Variants in UGT1A10 observed in about 807,000 individuals in gnomAD.
UGT1A10 encodes UDP-glucuronosyltransferase 1A10.
Under a neutral mutation model 45.8 loss-of-function variants are expected in UGT1A10, and 49 were observed. That is an observed-to-expected ratio of 1.07 (90% CI 0.85 to 1.36). The LOEUF (loss-of-function observed/expected upper bound fraction) is 1.36. Among genes scored for constraint, UGT1A10 ranks in the 40% most tolerant of loss-of-function variants. UGT1A10 has a pLI of 0.00. For synonymous variants in UGT1A10, 284 were observed against 249.7 expected (o/e 1.14, Z -1.29); for missense variants, 745 against 668.6 (o/e 1.11, Z -1.26).
At chr2:233,666,052 T>C (rs895128922) in intron 1 of UGT1A10, among the ~76,000 whole-genome samples, 1 of 152,230 alleles carries the variant, frequency 6.6e-6, no homozygotes, top group Non-Finnish European at 1.5e-5. Context: ...ACAAGAAGCA[T>C]GGCACCAGCA....
intron 1 of UGT1A10, chr2:233,754,387 G>A: frequency 3.3e-6 from 1 of 304,284 alleles, no homozygotes; most frequent in East Asian, 8.4e-5. Flanking sequence ...ACAAACAGAG[G>A]TCCTATCCGT....
chr2:233,729,342 G>T (rs368262266), intron 1 of UGT1A10: 19 of 1,614,080 alleles, frequency 1.2e-5, no homozygotes, highest in Admixed American at 6.7e-5. Context: ...TCAAAGAAGA[G>T]AACTTTTTCA....
chr2:233,682,304 A>G, intron 1 of UGT1A10: 1 of 1,614,070 alleles, frequency 6.2e-7, no homozygotes, highest in South Asian at 1.1e-5. Flanking sequence ...ATTTTTTTCA[A>G]ATTGCAGGAG....
chr2:233,672,666 C>T, intron 1 of UGT1A10: 1 of 1,613,946 alleles, frequency 6.2e-7, no homozygotes, highest in Non-Finnish European at 8.5e-7. Flanking sequence ...AGTATGATCT[C>T]TACAGCCACA....
chr2:233,760,450 C>CA lies in UGT1A10; in HGVS notation c.856-6583dup. On this transcript the variant is annotated intron_variant, in intron 1 of 4. Coordinates refer to ENST00000344644, the MANE Select transcript of UGT1A10 (RefSeq NM_019075.4). ...CATCCAGCAGCTGCAGCAGAGGGGA[C>CA]ATGAAATAGTTGTCCTAGCACCTGA... 1.2e-6 allele frequency: 2 copies of CA among 1,614,202 alleles called. No individual in the cohort carries two copies. The highest frequency in any genetic ancestry group is 1.7e-6 in the Non-Finnish European group (2 of 1,180,036).
At chr2:233,740,640 G>C (rs1049761331) in intron 1 of UGT1A10, 2 of 151,736 alleles carry the variant, frequency 1.3e-5, no homozygotes, top group Admixed American at 1.3e-4. Flanking sequence ...GCCTTTCCTT[G>C]CCCAGTGTAC....
intron 1 of UGT1A10, among the ~76,000 whole-genome samples, chr2:233,758,094 G>A (rs1428723700): frequency 6.6e-6 from 1 of 152,162 alleles, no homozygotes; most frequent in Non-Finnish European, 1.5e-5. Flanking sequence ...CATAGTGACT[G>A]CCATCCAGTA....
chr2:233,771,764 G>GTCCCTCTCTCCT (rs1188840663), intron 4 of UGT1A10: 1 of 152,544 alleles, frequency 6.6e-6, no homozygotes, highest in East Asian at 1.9e-4. Context: ...TCCTTCCTCC[G>GTCCCTCTCTCCT]TCCCTCTCTC....
In UGT1A10 at chr2:233,682,092, G is replaced by T. The variant is rs770615417; in HGVS notation, c.855+44715G>T. ...GTGGTGGAGAAACTCATCCTCAGGGGGCATGAGGTGGTCGTAGTCATGCCA... is the reference window on the plus strand; with the variant it reads ...GTGGTGGAGAAACTCATCCTCAGGGTGCATGAGGTGGTCGTAGTCATGCCA... On this transcript the variant is annotated intron_variant, in intron 1 of 4. Coordinates refer to ENST00000344644, the MANE Select transcript of UGT1A10 (RefSeq NM_019075.4). 3.5e-5 allele frequency: 56 copies of T among 1,614,070 alleles called. 2 individuals are homozygous for T. The South Asian group carries it at 5.9e-4, about 17-fold the overall frequency.
At chr2:233,743,983 G>A (rs1033622103) in intron 1 of UGT1A10, 34 of 1,288,222 alleles carry the variant, frequency 2.6e-5, no homozygotes, top group Middle Eastern at 4.7e-4. Flanking sequence ...GCACCCAGGC[G>A]CAGGCCCGAG....
chr2:233,698,773 A>G (rs2075461465), intron 1 of UGT1A10, among the ~76,000 whole-genome samples: 1 of 152,240 alleles, frequency 6.6e-6, no homozygotes, highest in Non-Finnish European at 1.5e-5. Context: ...AAGAAAGAGT[A>G]TCCTTTCTCA....
At chr2:233,645,037 T>A (rs112664330) in intron 1 of UGT1A10, among the ~76,000 whole-genome samples, 1 of 152,184 alleles carries the variant, frequency 6.6e-6, no homozygotes, top group Non-Finnish European at 1.5e-5. Flanking sequence ...GTAGACCACT[T>A]TGACACCTTT....
chr2:233,652,028 G>C (rs933150824), intron 1 of UGT1A10, among the ~76,000 whole-genome samples: 6 of 152,094 alleles, frequency 3.9e-5, no homozygotes, highest in African/African-American at 1.4e-4. Flanking sequence ...GGCTTTTTTA[G>C]TTTTTGGTGA....
Position 233,636,576 on chromosome 2 carries a change from G to C in UGT1A10, c.54G>C (p.Leu18=). ...SPVPLCVCLL[L]TCGFAEAGKL... is the part of the protein sequence containing the mutation. The stretch of plus-strand genomic sequence containing the variant: ...TTCCTTTATGTGTGTGTCTACTGCT[G>C]ACCTGTGGCTTTGCCGAGGCAGGGA... The change falls in exon 1 of 5, where the codon CTG becomes CTC. Residue 18 remains leucine (L), a synonymous_variant. Coordinates refer to ENST00000344644, the MANE Select transcript of UGT1A10 (RefSeq NM_019075.4). The C allele has an allele frequency of 2.5e-6, 4 of 1,614,128 alleles. No homozygotes were observed. Among genetic ancestry groups the C allele is most frequent in the Non-Finnish European group, 2.5e-6 (3 of 1,180,032 alleles).
intron 1 of UGT1A10, chr2:233,742,978 TA>T: frequency 8.7e-6 from 2 of 230,188 alleles, no homozygotes; most frequent in Non-Finnish European, 1.7e-5. Flanking sequence ...GGCTTAAGTT[TA>T]ATAAATAGCA....
chr2:233,750,148 T>C (rs1694375303), intron 1 of UGT1A10, among the ~76,000 whole-genome samples: 1 of 151,890 alleles, frequency 6.6e-6, no homozygotes, highest in Non-Finnish European at 1.5e-5. Flanking sequence ...TCCTAGAGAC[T>C]TGTTGAATGG....
chr2:233,724,301 C>T (rs2077213745), intron 1 of UGT1A10, among the ~76,000 whole-genome samples: 1 of 144,624 alleles, frequency 6.9e-6, no homozygotes, highest in Admixed American at 6.8e-5. Context: ...ACCCCCCCAC[C>T]TCCCTCCCGG....
chr2:233,743,310 G>T, intron 1 of UGT1A10: 2 of 644,780 alleles, frequency 3.1e-6, no homozygotes, highest in Non-Finnish European at 5.0e-6. Context: ...TCTTGGTGGT[G>T]ATTTTTTTAC....
intron 1 of UGT1A10, chr2:233,682,205 T>A: frequency 6.2e-7 from 1 of 1,614,090 alleles, no homozygotes; most frequent in Non-Finnish European, 8.5e-7. Flanking sequence ...GGACCGGGAG[T>A]TCATGGTTTT....
Sources: gnomAD v4.1 joint callset for allele counts (sites outside exome capture counted in the v4.1 genomes callset) on GRCh38, gnomAD v4.1.1 for gene constraint, MANE v1.5 for transcripts, NCBI Gene and HGNC (gene_info 2026-07-23, HGNC 2026-07-21) for gene names.